The following GNA12 variants were observed in gnomAD, a reference collection of about 807,000 sequenced individuals.
GNA12 encodes the protein G protein subunit alpha 12.
In GNA12, 9 loss-of-function variants were observed where a neutral mutation model predicts 26.0. That is an observed-to-expected ratio of 0.35 (90% CI 0.21 to 0.60). The LOEUF (loss-of-function observed/expected upper bound fraction) is 0.60. Among genes scored for constraint, GNA12 ranks in the 20% least tolerant of loss-of-function variants. The pLI is 0.78. For synonymous variants in GNA12, 264 were observed against 219.6 expected, an observed-to-expected ratio of 1.20 and a Z score of -1.79; for missense variants, 405 against 525.8, an observed-to-expected ratio of 0.77 and a Z score of 2.25.
In GNA12 at chr7:2,732,279, C is replaced by T. The variant is rs377678627; in HGVS notation, c.577-529G>A. ...TATTAATAATCCTCCAGGCCAGGCA[C>T]GGTGGCTCACACCTATAATCCTGGT... On this transcript the variant is annotated intron_variant, in intron 3 of 3. Coordinates refer to ENST00000275364, the MANE Select transcript of GNA12 (RefSeq NM_007353.3). 1.1e-4 allele frequency among the ~76,000 whole-genome samples: 16 copies of T among 152,290 alleles called. No individual in the cohort carries two copies. The East Asian group carries it at 1.9e-3, about 18-fold the overall frequency.
chr7:2,765,957 T>A (rs1010396327), intron 2 of GNA12, among the ~76,000 whole-genome samples: 11 of 152,098 alleles, frequency 7.2e-5, no homozygotes, highest in African/African-American at 2.2e-4. Flanking sequence ...TCCACTTTTT[T>A]AAAAAGTGTA....
intron 2 of GNA12, among the ~76,000 whole-genome samples, chr7:2,769,338 C>T (rs546449203): frequency 3.3e-5 from 5 of 152,364 alleles, no homozygotes; most frequent in African/African-American, 9.6e-5. Flanking sequence ...AAACCATCCT[C>T]ATGCACACCA....
intron 2 of GNA12, among the ~76,000 whole-genome samples, chr7:2,735,115 T>C (rs1198454411): frequency 4.0e-5 from 6 of 151,864 alleles, no homozygotes; most frequent in African/African-American, 1.5e-4. Flanking sequence ...GTGCACTCAC[T>C]CCCTGATTTA....
chr7:2,738,970 C>T (rs534656855), intron 2 of GNA12, among the ~76,000 whole-genome samples: 6 of 152,310 alleles, frequency 3.9e-5, no homozygotes, highest in African/African-American at 1.2e-4. Flanking sequence ...AAGCCTGGCA[C>T]ACAGCCACCC....
chr7:2,778,319 G>C (rs957822553), intron 2 of GNA12, among the ~76,000 whole-genome samples: 1 of 152,210 alleles, frequency 6.6e-6, no homozygotes, highest in African/African-American at 2.4e-5. Flanking sequence ...GGCAGGCCTT[G>C]CTTTTTCACA....
intron 1 of GNA12, among the ~76,000 whole-genome samples, chr7:2,832,319 C>T (rs964351189): frequency 5.3e-5 from 8 of 152,214 alleles, no homozygotes; most frequent in Admixed American, 2.0e-4. Context: ...GTCTCCTCCA[C>T]TCACTACCAT....
At position 2,730,747 on chromosome 7, in the gene GNA12, C is replaced by G. The variant is rs576505267; in HGVS notation, c.*434G>C. On this transcript the variant is annotated 3_prime_UTR_variant, in exon 4 of 4. Transcript: ENST00000275364. ...AGGCAAAGCTTTCAGGTTAGTCTGT[C>G]TCAGGGAAGACTTGTGAGTTAGAAA... The G allele has an allele frequency of 1.8e-5, 3 of 166,540 alleles. No individual in the cohort carries two copies. Among genetic ancestry groups the G allele is most frequent in the African/African-American group, 4.8e-5 (2 of 41,936 alleles). The allele number at this position is 166,540 out of a possible 1,614,324, so 10.3% of individuals were successfully genotyped here.
chr7:2,786,209 A>G (rs1347092164), intron 2 of GNA12, among the ~76,000 whole-genome samples: 1 of 152,250 alleles, frequency 6.6e-6, no homozygotes, highest in African/African-American at 2.4e-5. Flanking sequence ...CCTGGTTTTC[A>G]TCCCGTGCTA....
chr7:2,839,388 A>G lies in GNA12; in HGVS notation c.309+4465T>C, dbSNP rs145258757. Among the ~76,000 whole-genome samples, 405 of 151,846 alleles carry G rather than the reference A, an allele frequency of 2.7e-3. 2 individuals carry two copies. Among genetic ancestry groups the G allele is most frequent in the Middle Eastern group, 0.01 (3 of 294 alleles). ...AAGTGTGCACCACCACACCCGGCTA[A>G]TTTGTTTGTTTTTGAAATGGAGTCT... On this transcript the variant is annotated intron_variant, in intron 1 of 3. Transcript: ENST00000275364.
At chr7:2,806,457 C>CAAAAAAAAAAAAAAAAAAAA (rs34036056) in intron 1 of GNA12, among the ~76,000 whole-genome samples, 18 of 80,656 alleles carry the variant, frequency 2.2e-4, no homozygotes, top group South Asian at 5.0e-4. Context: ...GACTCTGTCT[C>CAAAAAAAAAAAAAAAAAAAA]AAAAAAAAAA....
At chr7:2,754,811 C>T (rs1172539491) in intron 2 of GNA12, among the ~76,000 whole-genome samples, 7 of 152,128 alleles carry the variant, frequency 4.6e-5, no homozygotes, top group African/African-American at 1.4e-4. Flanking sequence ...GACCGTTTCT[C>T]AAAATTTGAT....
intron 1 of GNA12, among the ~76,000 whole-genome samples, chr7:2,836,343 G>GA (rs1315843546): frequency 1.3e-5 from 2 of 152,178 alleles, no homozygotes; most frequent in East Asian, 1.9e-4. Context: ...CAGCTAAAAA[G>GA]AAAGTTCTGA....
rs1583304013 is a variant in GNA12, at chr7:2,814,920, C to T, written c.310-19777G>A. ...TGCTAGGCACGGCCTGGGAAACATT[C>T]TCCGTTTCATTTCAAATGCCTACAA... is the stretch of plus-strand genomic sequence containing the variant. On this transcript the variant is annotated intron_variant, in intron 1 of 3. Coordinates refer to ENST00000275364, the MANE Select transcript of GNA12 (RefSeq NM_007353.3). 2.5e-6 allele frequency: 4 copies of T among 1,595,212 alleles called. No homozygotes were observed. In the East Asian group the frequency reaches 9.2e-5, roughly 37 times the overall value.
At chr7:2,737,527 A>T (rs1464774448) in intron 2 of GNA12, among the ~76,000 whole-genome samples, 2 of 151,984 alleles carry the variant, frequency 1.3e-5, no homozygotes, top group Admixed American at 6.6e-5. Context: ...GACCTCAGGT[A>T]ATCCACCCAC....
rs145624224 is a variant in GNA12, at chr7:2,777,123, G to A, written c.525+17805C>T. Reference sequence around the variant, plus strand: ...AGCCCTACCCTATCTGAATGGGAGTGGACTGAGGGGAGACACTGGCTAGGT... The same window carrying A: ...AGCCCTACCCTATCTGAATGGGAGTAGACTGAGGGGAGACACTGGCTAGGT... On this transcript the variant is annotated intron_variant, in intron 2 of 3. Coordinates refer to ENST00000275364, the MANE Select transcript of GNA12 (RefSeq NM_007353.3). 7.3e-3 allele frequency among the ~76,000 whole-genome samples: 1,116 copies of A among 152,222 alleles called. 11 individuals are homozygous for A. The highest frequency in any genetic ancestry group is 0.017 in the South Asian group (80 of 4,808).
intron 1 of GNA12, among the ~76,000 whole-genome samples, chr7:2,836,903 A>T (rs1271960353): frequency 6.6e-6 from 1 of 152,174 alleles, no homozygotes; most frequent in Non-Finnish European, 1.5e-5. Flanking sequence ...CAGCCCGGGC[A>T]ACAAGAGCGA....
At position 2,836,667 on chromosome 7, in the gene GNA12, T is replaced by C. The variant is rs192487871; in HGVS notation, c.309+7186A>G. 2.7e-3 allele frequency among the ~76,000 whole-genome samples: 411 copies of C among 152,292 alleles called. 2 individuals carry two copies. Among genetic ancestry groups the C allele is most frequent in the African/African-American group, 9.5e-3 (394 of 41,556 alleles). ...GGCCAGGTGCGGTGGCCCACACCTG[T>C]AATCCCAGCACTTTGGGAGGCCGAG... On this transcript the variant is annotated intron_variant, in intron 1 of 3. Coordinates refer to ENST00000275364, the MANE Select transcript of GNA12 (RefSeq NM_007353.3).
At chr7:2,736,292 G>C (rs1451438041) in intron 2 of GNA12, among the ~76,000 whole-genome samples, 9 of 152,184 alleles carry the variant, frequency 5.9e-5, no homozygotes, top group Non-Finnish European at 1.5e-5. Flanking sequence ...AGAAACACGA[G>C]TGGATCCAAA....
intron 1 of GNA12, among the ~76,000 whole-genome samples, chr7:2,839,717 A>G (rs965637683): frequency 1.3e-5 from 2 of 152,170 alleles, no homozygotes; most frequent in African/African-American, 2.4e-5. Context: ...TTATCGAATT[A>G]AAGAACAGAG....
Sources: gnomAD v4.1 joint callset for allele counts (sites outside exome capture counted in the v4.1 genomes callset) on GRCh38, gnomAD v4.1.1 for gene constraint, MANE v1.5 for transcripts, NCBI Gene and HGNC (gene_info 2026-07-23, HGNC 2026-07-21) for gene names.